The following GPR132 variants were observed in gnomAD, a reference collection of about 807,000 sequenced individuals.
The protein encoded by GPR132 is G protein-coupled receptor 132.
Under a neutral mutation model 1.9 loss-of-function variants are expected in GPR132, and 4 were observed. The observed-to-expected ratio is 2.13, with a 90% CI of 1.05 to 4.87. The LOEUF (loss-of-function observed/expected upper bound fraction) is 4.87. Ranked by LOEUF, GPR132 falls within the 30% of genes most tolerant of loss-of-function variation. GPR132 has a pLI of 0.01. For missense variants in GPR132, 404 were observed against 512.5 expected (o/e 0.79, Z 2.04); for synonymous variants, 233 against 234.2 (o/e 0.99, Z 0.05).
chr14:105,053,730 C>T (rs928293394), intron 3 of GPR132, among the ~76,000 whole-genome samples: 1 of 151,784 alleles, frequency 6.6e-6, no homozygotes, highest in African/African-American at 2.4e-5. Context: ...ATGTCTGAAT[C>T]CTAATCCTTG....
chr14:105,057,355 A>G, intron 1 of GPR132, 75 bp from the exon 2 acceptor site: 1 of 590,290 alleles, frequency 1.7e-6, no homozygotes, highest in Non-Finnish European at 3.0e-6. Context: ...ACAAACGGCT[A>G]GTGAGTATTT....
intron 3 of GPR132, among the ~76,000 whole-genome samples, chr14:105,054,984 A>G (rs12888625): frequency 7.0e-6 from 1 of 143,576 alleles, no homozygotes; most frequent in African/African-American, 2.6e-5. Flanking sequence ...AGATTGCGCC[A>G]CTGCACTCCA....
chr14:105,063,023 C>G (rs900017318), intron 1 of GPR132, among the ~76,000 whole-genome samples: 7 of 152,094 alleles, frequency 4.6e-5, no homozygotes, highest in African/African-American at 1.7e-4. Flanking sequence ...ACCTCCCAGG[C>G]TCACATCATC....
At chr14:105,058,888 C>G (rs889689396) in intron 1 of GPR132, among the ~76,000 whole-genome samples, 4 of 152,256 alleles carry the variant, frequency 2.6e-5, no homozygotes, top group African/African-American at 9.6e-5. Context: ...CGCCCTAAAC[C>G]CATCCTCAGA....
chr14:105,065,081 G>C (rs981654753), intron 1 of GPR132, among the ~76,000 whole-genome samples: 29 of 152,248 alleles, frequency 1.9e-4, no homozygotes, highest in African/African-American at 4.8e-5. Flanking sequence ...CCAGTAGCCA[G>C]GGAAGCCTTT....
chr14:105,065,020 A>T (rs769075516), intron 1 of GPR132, among the ~76,000 whole-genome samples: 3 of 151,994 alleles, frequency 2.0e-5, no homozygotes, highest in Non-Finnish European at 4.4e-5. Flanking sequence ...CAAGTGGCCA[A>T]GGAGAGATTC....
Position 105,049,515 on chromosome 14 carries a change from G to A in GPR132, c.*1479C>T, listed in dbSNP as rs953329493. ...TGACCTCAACTGATCCTCCCGTCTC[G>A]GCCTCCCAAAGTGCTGGGATGACAG... On this transcript the variant is annotated 3_prime_UTR_variant, in exon 4 of 4. Transcript: ENST00000329797. 6 of 152,086 alleles carry A rather than the reference G, an allele frequency of 3.9e-5. No homozygotes were observed. The highest frequency in any genetic ancestry group is 6.8e-3 in the Middle Eastern group (2 of 294). The allele number at this position is 152,086 out of a possible 1,614,324, so 9.4% of individuals were successfully genotyped here.
At chr14:105,061,169 G>A (rs372255156) in intron 1 of GPR132, among the ~76,000 whole-genome samples, 11 of 152,380 alleles carry the variant, frequency 7.2e-5, no homozygotes, top group South Asian at 4.1e-4. Context: ...CCACTGGGAC[G>A]TCCCGACTCC....
intron 1 of GPR132, among the ~76,000 whole-genome samples, chr14:105,063,042 C>T (rs753306095): frequency 5.3e-5 from 8 of 152,054 alleles, no homozygotes; most frequent in Non-Finnish European, 1.0e-4. Context: ...TCCTCCCTTC[C>T]GAGTAACTGG....
In GPR132 at chr14:105,051,986, C is replaced by T. The variant is rs758401680; in HGVS notation, c.151G>A (p.Ala51Thr). Residue 51 changes from alanine (A) to threonine (T), a missense_variant, in exon 4 of 4, where the codon GCG becomes ACG. Transcript: ENST00000329797. The surrounding 1 kb of genome is among the most constrained non-coding windows in gnomAD (Gnocchi z 8.0). ...GCCGGCACCCCCAGCGTGCACACCG[C>T]GCTGTACACCACGACCAGGACTATC... ...SRIVLVVVYS[A>T]VCTLGVPANC... 6.2e-7 allele frequency: 1 copy of T among 1,613,140 alleles called. No individual in the cohort carries two copies. The highest frequency in any genetic ancestry group is 8.5e-7 in the Non-Finnish European group (1 of 1,179,982).
rs1886766973 is a variant in GPR132 at position 105,055,484 on chromosome 14, G to A, written c.-64C>T. On this transcript the variant is annotated 5_prime_UTR_variant, in exon 3 of 4. Coordinates refer to ENST00000329797, the MANE Select transcript of GPR132 (RefSeq NM_013345.4). This position sits in a 1 kb window ranked among gnomAD's most constrained non-coding sequence, Gnocchi z 4.7. Reference sequence around the variant, plus strand: ...GAACCTTCTCATCTTCCCAAACGGAGACTCTGCCCCAGGAAGCACTCGCTC... The same window carrying A: ...GAACCTTCTCATCTTCCCAAACGGAAACTCTGCCCCAGGAAGCACTCGCTC... 2.6e-6 allele frequency: 2 copies of A among 775,100 alleles called. No homozygotes were observed. The highest frequency in any genetic ancestry group is 3.4e-5 in the Admixed American group (2 of 58,846). 48.0% of individuals were successfully genotyped at this position (775,100 alleles called of 1,614,324 possible).
chr14:105,051,437 C>T lies in GPR132; in HGVS notation c.700G>A (p.Ala234Thr), dbSNP rs770467307. The T allele has an allele frequency of 2.1e-5, 34 of 1,613,986 alleles. No individual in the cohort carries two copies. The Admixed American group carries it at 5.0e-4, about 24-fold the overall frequency. The change falls in exon 4 of 4, where the codon GCT becomes ACT. Residue 234 changes from alanine (A) to threonine (T), a missense_variant. Transcript: ENST00000329797. The surrounding 1 kb of genome is among the most constrained non-coding windows in gnomAD (Gnocchi z 8.0). The part of the protein sequence containing the change: ...RSIKQSMGLS[A>T]AQKAKVKHSA... ...TGCTTCACCTTGGCCTTCTGGGCAG[C>T]GCTTAAGCCCATGCTCTGCTTGATG...
intron 1 of GPR132, among the ~76,000 whole-genome samples, chr14:105,062,676 G>C (rs759881761): frequency 5.3e-5 from 8 of 151,218 alleles, no homozygotes; most frequent in Non-Finnish European, 1.0e-4. Context: ...GAGTGGTTGG[G>C]ACTACAGGCA....
chr14:105,062,363 T>C (rs1213147647), intron 1 of GPR132, among the ~76,000 whole-genome samples: 1 of 152,206 alleles, frequency 6.6e-6, no homozygotes, highest in Non-Finnish European at 1.5e-5. Flanking sequence ...AGCCCTCCAC[T>C]GCTCCCTGGA....
At chr14:105,063,140 C>G (rs567331450) in intron 1 of GPR132, among the ~76,000 whole-genome samples, 7 of 151,922 alleles carry the variant, frequency 4.6e-5, no homozygotes, top group African/African-American at 1.7e-4. Flanking sequence ...AGGCTGGTCT[C>G]GAGCTCCTGG....
rs148766492 is a variant in GPR132 at position 105,051,281 on chromosome 14, G to T, written c.856C>A (p.Leu286Met). ...RNAMCGLEER[L>M]YTASVVFLCL... ...AGAAACACCACAGAGGCTGTGTACAGCCTTTCCTCCAAGCCGCACATGGCG... is the reference window on the plus strand; with the variant it reads ...AGAAACACCACAGAGGCTGTGTACATCCTTTCCTCCAAGCCGCACATGGCG... Residue 286 changes from leucine (L) to methionine (M), a missense_variant, in exon 4 of 4, where the codon CTG (leucine) becomes ATG (methionine). Coordinates refer to ENST00000329797, the MANE Select transcript of GPR132 (RefSeq NM_013345.4). This position sits in a 1 kb window ranked among gnomAD's most constrained non-coding sequence, Gnocchi z 8.0. The T allele has an allele frequency of 1.9e-6, 3 of 1,613,990 alleles. No individual in the cohort carries two copies. The highest frequency in any genetic ancestry group is 1.7e-4 in the Middle Eastern group (1 of 6,060).
chr14:105,061,223 C>T (rs1219577659), intron 1 of GPR132, among the ~76,000 whole-genome samples: 1 of 152,282 alleles, frequency 6.6e-6, no homozygotes, highest in Non-Finnish European at 1.5e-5. Flanking sequence ...GCCAACCAGG[C>T]TTGGGCGCCG....
At position 105,063,392 on chromosome 14, in the gene GPR132, T is replaced by G. The variant is rs557599084; in HGVS notation, c.-861+1987A>C. ...TATTTTGTAACTTTTTTTTTTTTTT[T>G]AGGCTGAGTTTCTCTCTCGTTGCCC... On this transcript the variant is annotated intron_variant, in intron 1 of 3. Transcript: ENST00000329797. Among the ~76,000 whole-genome samples the G allele has an allele frequency of 8.2e-3, 1,240 of 151,944 alleles. 16 individuals carry two copies. The highest frequency in any genetic ancestry group is 0.029 in the African/African-American group (1,190 of 41,436).
At chr14:105,065,057 C>T (rs1283249669) in intron 1 of GPR132, among the ~76,000 whole-genome samples, 1 of 152,112 alleles carries the variant, frequency 6.6e-6, no homozygotes, top group Admixed American at 6.6e-5. Flanking sequence ...CCCCCTGACT[C>T]ACCCCCATCT....
Sources: gnomAD v4.1 joint callset for allele counts (sites outside exome capture counted in the v4.1 genomes callset) on GRCh38, gnomAD v4.1.1 for gene constraint, Gnocchi (gnomAD v3.1) non-coding constraint, MANE v1.5 for transcripts, NCBI Gene and HGNC (gene_info 2026-07-23, HGNC 2026-07-21) for gene names.